LGSN: variants seen among roughly 807,000 people sequenced by gnomAD.
LGSN encodes lengsin.
LGSN carries 21 observed loss-of-function variants against 19.5 expected under a neutral mutation model. That is an observed-to-expected ratio of 1.07 (90% CI 0.76 to 1.55). The LOEUF (loss-of-function observed/expected upper bound fraction) is 1.55. LGSN is among the 40% of genes most tolerant of loss of function. The pLI is 0.00. For synonymous variants in LGSN, 257 were observed against 215.6 expected, an observed-to-expected ratio of 1.19 and a Z score of -1.68; for missense variants, 673 against 608.5, an observed-to-expected ratio of 1.11 and a Z score of -1.12.
the LGSN span, among the ~76,000 whole-genome samples, chr6:63,354,399 G>A: frequency 4.5e-4 from 69 of 152,164 alleles, no homozygotes; most frequent in African/African-American, 1.6e-3. Context: ...AATGTTCAAC[G>A]TCACTAATCA....
At chr6:63,374,449 T>C in the LGSN span, among the ~76,000 whole-genome samples, 1 of 152,210 alleles carries the variant, frequency 6.6e-6, no homozygotes, top group Non-Finnish European at 1.5e-5. Context: ...CAGCAGCAAT[T>C]CTAAGATGTC....
chr6:63,496,711 C>T, the LGSN span, among the ~76,000 whole-genome samples: 2 of 151,036 alleles, frequency 1.3e-5, no homozygotes, highest in Non-Finnish European at 1.5e-5. Flanking sequence ...TCTCAGCCTC[C>T]CAAAGTGCTG....
the LGSN span, among the ~76,000 whole-genome samples, chr6:63,541,479 G>A: frequency 3.2e-3 from 482 of 152,112 alleles, 3 homozygotes; most frequent in Non-Finnish European, 3.9e-3. Flanking sequence ...CCTGAACCCC[G>A]GAGGCAGAGG....
the LGSN span, among the ~76,000 whole-genome samples, chr6:63,546,292 A>G: frequency 6.6e-6 from 1 of 152,258 alleles, no homozygotes; most frequent in Non-Finnish European, 1.5e-5. Flanking sequence ...GCACAGAAAG[A>G]CACATACTCT....
At chr6:63,384,404 G>T in the LGSN span, among the ~76,000 whole-genome samples, 1 of 151,960 alleles carries the variant, frequency 6.6e-6, no homozygotes, top group East Asian at 1.9e-4. Context: ...TTCCACTACC[G>T]TTATGAGCAG....
the LGSN span, among the ~76,000 whole-genome samples, chr6:63,539,174 A>T: frequency 6.6e-6 from 1 of 152,182 alleles, no homozygotes; most frequent in East Asian, 1.9e-4. Context: ...GATTACAGTC[A>T]TGAGCCACCG....
chr6:63,517,464 TATGCACACATG>T, the LGSN span, among the ~76,000 whole-genome samples: 1 of 152,164 alleles, frequency 6.6e-6, no homozygotes, highest in Non-Finnish European at 1.5e-5. Flanking sequence ...AAAATAAAGG[TATGCACACATG>T]ATGCCCCGTA....
At chr6:63,515,217 TTTTGTTTGTTTG>T in the LGSN span, among the ~76,000 whole-genome samples, 66 of 150,708 alleles carry the variant, frequency 4.4e-4, no homozygotes, top group African/African-American at 1.4e-3. Flanking sequence ...TAAAAAGTTT[TTTTGTTTGTTTG>T]TTTGTTTGTT....
chr6:63,289,170 A>G (rs1562007757), intron 2 of LGSN, among the ~76,000 whole-genome samples: 1 of 152,226 alleles, frequency 6.6e-6, no homozygotes, highest in Non-Finnish European at 1.5e-5. Context: ...TATTTTTTAA[A>G]TAAGTGAGTG....
the LGSN span, among the ~76,000 whole-genome samples, chr6:63,402,350 A>C: frequency 2.0e-5 from 3 of 152,310 alleles, no homozygotes; most frequent in South Asian, 2.1e-4. Context: ...AAGATAGAAA[A>C]ATAATGTTTA....
chr6:63,531,989 C>T, the LGSN span, among the ~76,000 whole-genome samples: 10 of 152,118 alleles, frequency 6.6e-5, no homozygotes, highest in African/African-American at 9.6e-5. Flanking sequence ...TTAGTAGAGA[C>T]GGGGTTTCAC....
At chr6:63,490,942 G>T in the LGSN span, among the ~76,000 whole-genome samples, 2 of 152,102 alleles carry the variant, frequency 1.3e-5, no homozygotes, top group Non-Finnish European at 2.9e-5. Flanking sequence ...CTCAAGAAGA[G>T]ACAGTGAATT....
the LGSN span, among the ~76,000 whole-genome samples, chr6:63,540,196 TG>T: frequency 6.6e-6 from 1 of 152,142 alleles, no homozygotes; most frequent in Non-Finnish European, 1.5e-5. Flanking sequence ...AAACAAAATG[TG>T]GTAGATGCAC....
chr6:63,429,607 G>T, the LGSN span, among the ~76,000 whole-genome samples: 4 of 152,024 alleles, frequency 2.6e-5, no homozygotes, highest in African/African-American at 9.6e-5. Context: ...GTGGTCGCGG[G>T]CGCCTGTAAT....
the LGSN span, among the ~76,000 whole-genome samples, chr6:63,466,971 A>G: frequency 1.8e-4 from 27 of 152,278 alleles, no homozygotes; most frequent in African/African-American, 6.0e-4. Context: ...TAATATATAA[A>G]TCAGCATATA....
At chr6:63,567,145 G>T in the LGSN span, among the ~76,000 whole-genome samples, 1 of 152,192 alleles carries the variant, frequency 6.6e-6, no homozygotes, top group Non-Finnish European at 1.5e-5. Context: ...GAGAGTTGGA[G>T]TTAACTTCTT....
the LGSN span, among the ~76,000 whole-genome samples, chr6:63,436,262 C>A: frequency 2.0e-5 from 3 of 151,928 alleles, no homozygotes; most frequent in Non-Finnish European, 4.4e-5. Context: ...TGAGAGCAGC[C>A]CGGCTAATTT....
intron 1 of LGSN, among the ~76,000 whole-genome samples, chr6:63,297,902 A>C (rs1455641109): frequency 3.9e-5 from 6 of 152,224 alleles, no homozygotes; most frequent in Middle Eastern, 3.2e-3. Context: ...ATTGTTCAAA[A>C]CATGTTCAAA....
At chr6:63,534,299 T>A in the LGSN span, among the ~76,000 whole-genome samples, 857 of 152,282 alleles carry the variant, frequency 5.6e-3, 9 homozygotes, top group African/African-American at 0.019. Context: ...TTCTACTACA[T>A]CTGATGCCAT....
Sources: gnomAD v4.1 joint callset for allele counts (sites outside exome capture counted in the v4.1 genomes callset) on GRCh38, gnomAD v4.1.1 for gene constraint, MANE v1.5 for transcripts, NCBI Gene and HGNC (gene_info 2026-07-23, HGNC 2026-07-21) for gene names.